Variants in SLC44A5 observed in about 807,000 individuals in gnomAD.
SLC44A5 encodes choline transporter-like protein 5.
A neutral mutation model predicts 101.8 loss-of-function variants in SLC44A5; 57 were observed. That is an observed-to-expected ratio of 0.56 (90% CI 0.45 to 0.70). SLC44A5 has a LOEUF of 0.70. SLC44A5 is among the 30% of genes least tolerant of loss of function. The probability of loss-of-function intolerance (pLI) is 0.00; values close to 1 mark genes in which losing one functional copy is unlikely to be tolerated. For missense variants in SLC44A5, 737 were observed against 853.1 expected (o/e 0.86, Z 1.70); for synonymous variants, 281 against 290.9 (o/e 0.97, Z 0.35).
intron 4 of SLC44A5, among the ~76,000 whole-genome samples, chr1:75,322,191 AGT>A (rs1656209173): frequency 6.6e-6 from 1 of 152,144 alleles, no homozygotes; most frequent in Admixed American, 6.6e-5. Flanking sequence ...ACATGCCTGT[AGT>A]CCCAGCTACT....
chr1:75,551,101 T>A (rs910538692), intron 1 of SLC44A5, among the ~76,000 whole-genome samples: 1 of 152,258 alleles, frequency 6.6e-6, no homozygotes, highest in South Asian at 2.1e-4. Context: ...ATCTTTGTTT[T>A]AATTACTATA....
At chr1:75,721,281 A>ATT in the SLC44A5 span, among the ~76,000 whole-genome samples, 2 of 152,216 alleles carry the variant, frequency 1.3e-5, no homozygotes, top group Non-Finnish European at 2.9e-5. Context: ...GTTTACAGCA[A>ATT]GCTTGTCCAA....
chr1:75,297,264 G>T (rs1054617502), intron 5 of SLC44A5, among the ~76,000 whole-genome samples: 14 of 152,058 alleles, frequency 9.2e-5, no homozygotes, highest in Non-Finnish European at 1.8e-4. Flanking sequence ...AATTTAAAAA[G>T]AAAACAAATT....
At chr1:75,697,162 A>G in the SLC44A5 span, among the ~76,000 whole-genome samples, 21 of 152,260 alleles carry the variant, frequency 1.4e-4, no homozygotes, top group South Asian at 3.7e-3. Flanking sequence ...TAGTCTCAGT[A>G]CTTTGGGAGG....
rs115428450 is a variant in SLC44A5 at position 75,270,396 on chromosome 1, A to T, written c.260+4562T>A. Among the ~76,000 whole-genome samples, 1,276 of 152,238 alleles carry T rather than the reference A, an allele frequency of 8.4e-3. 14 individuals carry two copies. The highest frequency in any genetic ancestry group is 0.029 in the African/African-American group (1,222 of 41,556). ...TCAGAAACAAATATATAAATTTATT[A>T]TTTAGTAATTGTTTTAGAAATCAGA... On this transcript the variant is annotated intron_variant, in intron 6 of 23. Transcript: ENST00000370859.
intron 16 of SLC44A5, 127 bp from the exon 17 acceptor site, chr1:75,218,879 C>A: frequency 1.2e-6 from 1 of 822,636 alleles, no homozygotes; most frequent in Non-Finnish European, 1.9e-6. Context: ...TGCTCTTACT[C>A]CTCTATTTTC....
At chr1:75,348,147 C>T (rs1053393337) in intron 3 of SLC44A5, among the ~76,000 whole-genome samples, 22 of 152,070 alleles carry the variant, frequency 1.4e-4, no homozygotes, top group African/African-American at 5.1e-4. Flanking sequence ...CTCTCTCTCT[C>T]TCCTCTCTCT....
intron 2 of SLC44A5, among the ~76,000 whole-genome samples, chr1:75,523,699 T>C (rs899206326): frequency 5.9e-5 from 9 of 152,232 alleles, no homozygotes; most frequent in African/African-American, 1.9e-4. Context: ...CTATTATTCC[T>C]GCACATTTTC....
intron 2 of SLC44A5, among the ~76,000 whole-genome samples, chr1:75,532,740 T>G (rs1670790243): frequency 2.0e-5 from 3 of 151,816 alleles, no homozygotes; most frequent in Non-Finnish European, 2.9e-5. Flanking sequence ...TTATAAGCAC[T>G]CAAAACATAT....
intron 23 of SLC44A5, among the ~76,000 whole-genome samples, chr1:75,207,661 C>A (rs1388115892): frequency 1.3e-5 from 2 of 152,158 alleles, no homozygotes; most frequent in Admixed American, 6.6e-5. Context: ...AGACGCTGAA[C>A]ATTTTGCTTT....
intron 1 of SLC44A5, among the ~76,000 whole-genome samples, chr1:75,588,011 G>T (rs186831347): frequency 6.6e-6 from 1 of 152,140 alleles, no homozygotes; most frequent in South Asian, 2.1e-4. Flanking sequence ...AAACCAGAAG[G>T]CAAATCTGGT....
intron 2 of SLC44A5, among the ~76,000 whole-genome samples, chr1:75,455,416 A>G (rs986686795): frequency 9.2e-5 from 14 of 152,158 alleles, no homozygotes; most frequent in African/African-American, 3.4e-4. Flanking sequence ...AGAATCCTAG[A>G]AGAAAATTCA....
chr1:75,399,846 A>G (rs1662363395), intron 2 of SLC44A5, among the ~76,000 whole-genome samples: 1 of 152,154 alleles, frequency 6.6e-6, no homozygotes, highest in Non-Finnish European at 1.5e-5. Context: ...TTTATAAGCA[A>G]TCTACAGATC....
At chr1:75,235,567 C>A (rs879828185) in intron 11 of SLC44A5, among the ~76,000 whole-genome samples, 2 of 151,928 alleles carry the variant, frequency 1.3e-5, no homozygotes, top group African/African-American at 2.4e-5. Flanking sequence ...GGAGATAAAT[C>A]CTAACATACT....
At chr1:75,296,726 C>G (rs1166822085) in intron 5 of SLC44A5, among the ~76,000 whole-genome samples, 1 of 152,146 alleles carries the variant, frequency 6.6e-6, no homozygotes, top group African/African-American at 2.4e-5. Flanking sequence ...CACGGGGTTT[C>G]TGAACACCAC....
chr1:75,378,990 A>G lies in SLC44A5; in HGVS notation c.52+17593T>C, dbSNP rs1207542734. On this transcript the variant is annotated intron_variant, in intron 3 of 23. Coordinates refer to ENST00000370859, the MANE Select transcript of SLC44A5 (RefSeq NM_001130058.2). ...CCTAGTAGACAGGGTAGTGAATTAC[A>G]TGAAATTATTGATAAATCAAGAAAG... 3.7e-5 allele frequency among the ~76,000 whole-genome samples: 3 copies of G among 80,368 alleles called. 1 individual carries two copies. The highest frequency in any genetic ancestry group is 6.3e-5 in the Non-Finnish European group (3 of 47,448). 52.7% of individuals were successfully genotyped at this position (80,368 alleles called of 152,430 possible).
At chr1:75,406,130 T>C (rs1283782548) in intron 2 of SLC44A5, among the ~76,000 whole-genome samples, 1 of 152,190 alleles carries the variant, frequency 6.6e-6, no homozygotes, top group East Asian at 1.9e-4. Context: ...GATAAATTCC[T>C]GGACACATAC....
intron 2 of SLC44A5, among the ~76,000 whole-genome samples, chr1:75,465,631 C>T (rs1383342846): frequency 6.6e-6 from 1 of 151,540 alleles, no homozygotes; most frequent in Non-Finnish European, 1.5e-5. Flanking sequence ...ATAGACAAAC[C>T]TTTATCCAGA....
At chr1:75,302,103 AGTTTTTTT>A (rs1430329918) in intron 4 of SLC44A5, among the ~76,000 whole-genome samples, 1,586 of 72,494 alleles carry the variant, frequency 0.022, 6 homozygotes, top group East Asian at 0.055. Flanking sequence ...CAGGTGCTCT[AGTTTTTTT>A]GTTTTTTTTT....
Sources: allele counts gnomAD v4.1 joint callset (sites outside exome capture counted in the v4.1 genomes callset), GRCh38; gene constraint gnomAD v4.1.1; transcripts MANE v1.5; gene names NCBI Gene and HGNC (gene_info 2026-07-23, HGNC 2026-07-21).